SLC7A13: variants seen among roughly 807,000 people sequenced by gnomAD.
The protein encoded by SLC7A13 is X-amino acid transporter 2.
In SLC7A13, 31 loss-of-function variants were observed where a neutral mutation model predicts 32.0. The ratio of observed to expected loss-of-function variants is 0.97; its 90% CI spans 0.73 to 1.31. SLC7A13 has a LOEUF of 1.31. Ranked by LOEUF, SLC7A13 falls within the 50% of genes most tolerant of loss-of-function variation. The probability of loss-of-function intolerance (pLI) is 0.00; values close to 1 mark genes in which losing one functional copy is unlikely to be tolerated. For synonymous variants in SLC7A13, 232 were observed against 206.9 expected, an observed-to-expected ratio of 1.12 and a Z score of -1.04; for missense variants, 633 against 546.9, an observed-to-expected ratio of 1.16 and a Z score of -1.57.
chr8:86,216,547 G>T (rs1180205225), intron 3 of SLC7A13, among the ~76,000 whole-genome samples: 1 of 152,146 alleles, frequency 6.6e-6, no homozygotes, highest in African/African-American at 2.4e-5. Context: ...ATGACTGGTT[G>T]GAAGAAGTTG....
chr8:86,217,201 G>C (rs1347994797), intron 3 of SLC7A13, among the ~76,000 whole-genome samples: 1 of 151,994 alleles, frequency 6.6e-6, no homozygotes, highest in East Asian at 1.9e-4. Flanking sequence ...AATAATATCT[G>C]GTCAAAAGAC....
chr8:86,229,930 A>G lies in SLC7A13; in HGVS notation c.348T>C (p.Ala116=). The part of the protein sequence containing the change: ...GVVAGQALLL[A]EYSIQPFFPS... ...GAAAAAAAGGCTGGATGCTGTACTC[A>G]GCAAGGAGCAGAGCTTGGCCAGCAA... The change falls in exon 1 of 4, where the codon GCT becomes GCC. Residue 116 remains alanine, a synonymous_variant. Coordinates refer to ENST00000297524, the MANE Select transcript of SLC7A13 (RefSeq NM_138817.3). 1 of 1,614,210 alleles carries G rather than the reference A, an allele frequency of 6.2e-7. No homozygotes were observed. The highest frequency in any genetic ancestry group is 8.5e-7 in the Non-Finnish European group (1 of 1,180,024).
chr8:86,217,813 C>T lies in SLC7A13; in HGVS notation c.836G>A (p.Trp279Ter), dbSNP rs571726997. Residue 279 changes from tryptophan to a stop codon, truncating the protein, a stop_gained, in exon 3 of 4, where the codon TGG becomes TAG. Transcript: ENST00000297524. LOFTEE classifies it high-confidence loss of function. ...ILSSDAVAITWADRAFPSLAW... is the reference protein window; with the variant it reads ...ILSSDAVAIT ...TAATGAGGGAAAAGCTCGATCAGCC[C>T]ATGTGATAGCTACAGCATCTGCAGA... 2.4e-5 allele frequency: 37 copies of T among 1,572,914 alleles called. No individual in the cohort carries two copies. In the South Asian group the frequency reaches 4.3e-4, roughly 18 times the overall value.
chr8:86,217,702 A>G lies in SLC7A13; in HGVS notation c.947T>C (p.Leu316Pro). 1 of 1,613,552 alleles carries G rather than the reference A, an allele frequency of 6.2e-7. No homozygotes were observed. Among genetic ancestry groups the G allele is most frequent in the Non-Finnish European group, 8.5e-7 (1 of 1,179,686 alleles). ...SIFKSSRPIY[L>P]ASQEGQLPLL... Reference sequence around the variant, plus strand: ...AGGCAGCTGGCCCTCTTGGCTTGCAAGATATATTGGTCTCGATGATTTAAA... The same window carrying G: ...AGGCAGCTGGCCCTCTTGGCTTGCAGGATATATTGGTCTCGATGATTTAAA... Residue 316 changes from leucine (L) to proline (P), a missense_variant, in exon 3 of 4, where the codon CTT (leucine) becomes CCT (proline). By Grantham distance (98) the Leu-to-Pro change is moderately conservative. Coordinates refer to ENST00000297524, the MANE Select transcript of SLC7A13 (RefSeq NM_138817.3).
chr8:86,217,178 C>T (rs1820197471), intron 3 of SLC7A13, among the ~76,000 whole-genome samples: 1 of 152,138 alleles, frequency 6.6e-6, no homozygotes, highest in African/African-American at 2.4e-5. Flanking sequence ...TGACTAGTTA[C>T]ATAAGTAGAC....
chr8:86,225,933 T>A (rs77243074), intron 1 of SLC7A13, among the ~76,000 whole-genome samples: 1,710 of 152,002 alleles, frequency 0.011, 25 homozygotes, highest in African/African-American at 0.037. Context: ...ATTTTTTTTT[T>A]AAAAAGATGG....
intron 3 of SLC7A13, among the ~76,000 whole-genome samples, chr8:86,215,400 C>T (rs1820162782): frequency 6.6e-6 from 1 of 152,046 alleles, no homozygotes. Context: ...TTAAGAATAT[C>T]TTCTTGGCCG....
At chr8:86,225,296 G>C (rs2129802562) in intron 1 of SLC7A13, among the ~76,000 whole-genome samples, 1 of 152,206 alleles carries the variant, frequency 6.6e-6, no homozygotes, top group East Asian at 1.9e-4. Context: ...AAAATTAGAA[G>C]GTTTTAATTT....
At chr8:86,217,961 A>G (rs1392752546) in intron 2 of SLC7A13, 130 bp from the exon 3 acceptor site, 4 of 1,042,912 alleles carry the variant, frequency 3.8e-6, no homozygotes, top group Admixed American at 6.6e-5. Context: ...GCTTAATTTT[A>G]TCATTTATTT....
Position 86,214,333 on chromosome 8 carries a change from A to G in SLC7A13, c.*80T>C. ...ATAGGAATTTCACCATGAATGTTCTATCATATGTTTAACCTTGATTTGGAA... is the reference window on the plus strand; with the variant it reads ...ATAGGAATTTCACCATGAATGTTCTGTCATATGTTTAACCTTGATTTGGAA... On this transcript the variant is annotated 3_prime_UTR_variant, in exon 4 of 4. Coordinates refer to ENST00000297524, the MANE Select transcript of SLC7A13 (RefSeq NM_138817.3). 1 of 777,684 alleles carries G rather than the reference A, an allele frequency of 1.3e-6. No homozygotes were observed. The highest frequency in any genetic ancestry group is 2.8e-4 in the Middle Eastern group (1 of 3,600). 48.2% of individuals were successfully genotyped at this position (777,684 alleles called of 1,614,324 possible). A position where few individuals can be genotyped will look rare whatever the true frequency, so the allele number is the denominator to read the frequency against.
Position 86,229,966 on chromosome 8 carries a change from C to T in SLC7A13, c.312G>A (p.Gly104=), listed in dbSNP as rs372458874. 3.7e-6 allele frequency: 6 copies of T among 1,614,164 alleles called. No individual in the cohort carries two copies. The South Asian group carries it at 6.6e-5, about 18-fold the overall frequency. ...GAGCTTGGCCAGCAACTACCCCTGA[C>T]CCCAGAAACAAGGATGTCCAGAGAT... is the stretch of plus-strand genomic sequence containing the variant. The part of the protein sequence containing the change: ...FLNLWTSLFL[G]SGVVAGQALL... The change falls in exon 1 of 4, where the codon GGG becomes GGA. Residue 104 remains glycine (G), a synonymous_variant. Coordinates refer to ENST00000297524, the MANE Select transcript of SLC7A13 (RefSeq NM_138817.3).
At chr8:86,223,223 G>C in intron 1 of SLC7A13, 120 bp from the exon 2 acceptor site, 1 of 981,368 alleles carries the variant, frequency 1.0e-6, no homozygotes, top group Non-Finnish European at 1.4e-6. Context: ...ATTTTATTAT[G>C]TGGATAGGTT....
chr8:86,216,674 A>G (rs1286240924), intron 3 of SLC7A13, among the ~76,000 whole-genome samples: 1 of 152,174 alleles, frequency 6.6e-6, no homozygotes, highest in Non-Finnish European at 1.5e-5. Flanking sequence ...TAAACACTCC[A>G]AAGAGACTGC....
chr8:86,219,024 A>T (rs1471230154), intron 2 of SLC7A13, among the ~76,000 whole-genome samples: 1 of 152,138 alleles, frequency 6.6e-6, no homozygotes, highest in Non-Finnish European at 1.5e-5. Flanking sequence ...CTTGTTCTTA[A>T]AGATATTTAT....
chr8:86,228,234 G>A (rs1291960028), intron 1 of SLC7A13, among the ~76,000 whole-genome samples: 2 of 152,144 alleles, frequency 1.3e-5, no homozygotes, highest in South Asian at 2.1e-4. Flanking sequence ...TTGCAGACAA[G>A]GGGTCTGAAC....
rs184090263 is a variant in SLC7A13, at chr8:86,220,907, G to A, written c.817+2065C>T. On this transcript the variant is annotated intron_variant, in intron 2 of 3. Coordinates refer to ENST00000297524, the MANE Select transcript of SLC7A13 (RefSeq NM_138817.3). ...TACTCAAAAGGCTGAGGCACAAGAAGCGCTTGAACCTGGGAAGTGGAGGTT... is the reference window on the plus strand; with the variant it reads ...TACTCAAAAGGCTGAGGCACAAGAAACGCTTGAACCTGGGAAGTGGAGGTT... Among the ~76,000 whole-genome samples the A allele has an allele frequency of 7.8e-3, 1,179 of 151,076 alleles. 10 individuals carry two copies. The highest frequency in any genetic ancestry group is 0.014 in the Middle Eastern group (4 of 292).
At chr8:86,227,311 G>T (rs1432042051) in intron 1 of SLC7A13, among the ~76,000 whole-genome samples, 1 of 151,938 alleles carries the variant, frequency 6.6e-6, no homozygotes, top group Non-Finnish European at 1.5e-5. Context: ...ACAAGGAAAA[G>T]AACTGATTTT....
rs984717351 is a variant in SLC7A13 at position 86,230,229 on chromosome 8, A to G, written c.49T>C (p.Trp17Arg). Residue 17 changes from tryptophan to arginine, a missense_variant, in exon 1 of 4, where the codon TGG becomes CGG. Coordinates refer to ENST00000297524, the MANE Select transcript of SLC7A13 (RefSeq NM_138817.3). ...IQLKRVFGYW[W>R]GTSFLLINII... ...TTAATAAGCAAAAAACTTGTGCCCC[A>G]CCAATATCCAAACACTCTCTTGAGC... 34 of 1,613,100 alleles carry G rather than the reference A, an allele frequency of 2.1e-5. No homozygotes were observed. The highest frequency in any genetic ancestry group is 2.7e-5 in the Non-Finnish European group (32 of 1,179,598).
At chr8:86,215,053 C>A (rs890186490) in intron 3 of SLC7A13, among the ~76,000 whole-genome samples, 7 of 152,094 alleles carry the variant, frequency 4.6e-5, no homozygotes, top group Admixed American at 4.6e-4. Context: ...TATCCTCAGA[C>A]TGTCTGTTAC....
Sources: allele counts gnomAD v4.1 joint callset (sites outside exome capture counted in the v4.1 genomes callset), GRCh38; gene constraint gnomAD v4.1.1; transcripts MANE v1.5; gene names NCBI Gene and HGNC (gene_info 2026-07-23, HGNC 2026-07-21).